SHOC1: variants seen among roughly 807,000 people sequenced by gnomAD.
SHOC1 encodes protein shortage in chiasmata 1 ortholog.
In SHOC1, 136 loss-of-function variants were observed where a neutral mutation model predicts 179.2. The observed-to-expected ratio is 0.76, with a 90% CI of 0.66 to 0.87. SHOC1 has a LOEUF of 0.87. SHOC1 is among the 40% of genes least tolerant of loss of function. The pLI, the probability that SHOC1 is intolerant of heterozygous loss-of-function variation, is 0.00. For missense variants in SHOC1, 1,538 were observed against 1,700.8 expected (o/e 0.90, Z 1.68); for synonymous variants, 489 against 586.6 (o/e 0.83, Z 2.41).
intron 11 of SHOC1, among the ~76,000 whole-genome samples, chr9:111,738,928 T>C (rs1282028324): frequency 2.0e-5 from 3 of 152,112 alleles, no homozygotes; most frequent in African/African-American, 7.2e-5. Flanking sequence ...TTTGTTCAGA[T>C]TTTATGATGA....
chr9:111,721,466 A>G (rs1025223899), intron 15 of SHOC1, among the ~76,000 whole-genome samples: 1 of 152,096 alleles, frequency 6.6e-6, no homozygotes, highest in African/African-American at 2.4e-5. Context: ...CAGCCTCCCA[A>G]ATAGCCAGGA....
At chr9:111,778,440 A>T (rs1301547730) in intron 4 of SHOC1, among the ~76,000 whole-genome samples, 1 of 152,118 alleles carries the variant, frequency 6.6e-6, no homozygotes, top group Non-Finnish European at 1.5e-5. Context: ...AGATAGACAA[A>T]TAAGTATATA....
intron 17 of SHOC1, among the ~76,000 whole-genome samples, 176 bp from the exon 18 acceptor site, chr9:111,713,348 G>A (rs1042952419): frequency 1.3e-5 from 2 of 152,082 alleles, no homozygotes; most frequent in East Asian, 1.9e-4. Context: ...AATATATTCT[G>A]GTAAGATCAA....
chr9:111,703,037 G>C (rs969593277), intron 22 of SHOC1, among the ~76,000 whole-genome samples: 3 of 152,258 alleles, frequency 2.0e-5, no homozygotes, highest in Middle Eastern at 3.4e-3. Flanking sequence ...TCGAGCCCAG[G>C]AGTTCGAGGC....
In SHOC1 at chr9:111,702,157, G is replaced by A; in HGVS notation, c.3037C>T (p.Gln1013Ter). The change falls in exon 23 of 28, where the codon CAG becomes TAG. Residue 1013 changes from glutamine to a stop codon, truncating the protein, a stop_gained. Transcript: ENST00000682961. LOFTEE classifies it high-confidence loss of function. The stretch of plus-strand genomic sequence containing the variant: ...AAAATTATCCAACAATATCTGTACT[G>A]TAATGATAATGCCATCAGCCTCATA... ...IIMRLMALSL[Q>*]YRYCWIILYT... 4.1e-6 allele frequency: 6 copies of A among 1,480,218 alleles called. No homozygotes were observed. Among genetic ancestry groups the A allele is most frequent in the East Asian group, 2.3e-5 (1 of 43,904 alleles). 91.7% of individuals were successfully genotyped at this position (1,480,218 alleles called of 1,614,324 possible).
intron 4 of SHOC1, among the ~76,000 whole-genome samples, chr9:111,780,357 T>C (rs1206366950): frequency 6.6e-6 from 1 of 152,190 alleles, no homozygotes; most frequent in Non-Finnish European, 1.5e-5. Flanking sequence ...AATCTCTACT[T>C]TATGCCTACG....
intron 4 of SHOC1, among the ~76,000 whole-genome samples, chr9:111,777,544 G>A (rs957834966): frequency 2.0e-5 from 3 of 152,106 alleles, no homozygotes; most frequent in Non-Finnish European, 2.9e-5. Flanking sequence ...TTGCGAAGGC[G>A]GTTTCAACTT....
At chr9:111,717,550 A>C (rs1832848580) in intron 16 of SHOC1, among the ~76,000 whole-genome samples, 1 of 151,226 alleles carries the variant, frequency 6.6e-6, no homozygotes, top group Non-Finnish European at 1.5e-5. Context: ...CAGTGAGATC[A>C]CACCTCTGCA....
At chr9:111,696,801 A>AT (rs1411440702) in intron 24 of SHOC1, among the ~76,000 whole-genome samples, 3 of 152,234 alleles carry the variant, frequency 2.0e-5, no homozygotes, top group African/African-American at 7.2e-5. Context: ...GAAGAAGCTA[A>AT]ATAAGTGGTA....
intron 11 of SHOC1, among the ~76,000 whole-genome samples, chr9:111,740,348 C>G (rs1833978094): frequency 6.6e-6 from 1 of 152,160 alleles, no homozygotes; most frequent in African/African-American, 2.4e-5. Flanking sequence ...TTGGTGCTTA[C>G]TTGCTTCCCA....
intron 26 of SHOC1, among the ~76,000 whole-genome samples, chr9:111,693,368 T>C (rs1396740026): frequency 1.4e-5 from 2 of 138,240 alleles, no homozygotes; most frequent in Non-Finnish European, 3.0e-5. Context: ...GTGGATCACC[T>C]GAGGTCAGGA....
intron 6 of SHOC1, 114 bp downstream of exon 6, chr9:111,758,581 T>C (rs1834984805): frequency 1.0e-6 from 1 of 1,004,746 alleles, no homozygotes; most frequent in African/African-American, 1.7e-5. Context: ...AGAGCAAGAC[T>C]CATCTCAAAA....
At chr9:111,763,922 CAAAACAAA>C (rs1256250999) in intron 5 of SHOC1, among the ~76,000 whole-genome samples, 1 of 151,978 alleles carries the variant, frequency 6.6e-6, no homozygotes, top group African/African-American at 2.4e-5. Flanking sequence ...GAAAACAAAA[CAAAACAAA>C]AAAACAGAAA....
intron 1 of SHOC1, among the ~76,000 whole-genome samples, chr9:111,793,693 T>A (rs1448475930): frequency 8.2e-4 from 108 of 132,090 alleles, no homozygotes; most frequent in Middle Eastern, 7.6e-3. Context: ...TTTTTTTTTT[T>A]ACCTTTTTCT....
chr9:111,728,947 T>C (rs566876812), intron 12 of SHOC1, among the ~76,000 whole-genome samples: 1 of 152,332 alleles, frequency 6.6e-6, no homozygotes, highest in South Asian at 2.1e-4. Context: ...CCAGTACAAA[T>C]GTAAAAGTTA....
intron 2 of SHOC1, among the ~76,000 whole-genome samples, chr9:111,790,558 T>G (rs527265647): frequency 1.3e-5 from 2 of 152,346 alleles, no homozygotes; most frequent in South Asian, 4.1e-4. Flanking sequence ...AGTGGCTTTT[T>G]TTTTGAGACG....
At chr9:111,724,348 TC>T (rs1833202692) in intron 13 of SHOC1, among the ~76,000 whole-genome samples, 2 of 151,930 alleles carry the variant, frequency 1.3e-5, no homozygotes, top group South Asian at 4.2e-4. Flanking sequence ...CTTTTTCTTT[TC>T]TTTTTTTTAA....
chr9:111,722,712 ATG>A, intron 14 of SHOC1, 127 bp from the exon 15 acceptor site: 1 of 651,984 alleles, frequency 1.5e-6, no homozygotes, highest in East Asian at 3.2e-5. Context: ...GTTAAAAATA[ATG>A]AGATTGTATA....
intron 26 of SHOC1, among the ~76,000 whole-genome samples, chr9:111,693,421 CAAAAAAAAAAA>C (rs59200447): frequency 1.2e-5 from 1 of 85,826 alleles, no homozygotes; most frequent in Non-Finnish European, 2.3e-5. Flanking sequence ...CCCGTTTCTA[CAAAAAAAAAAA>C]AAAAAAAAAA....
Sources: gnomAD v4.1 joint callset for allele counts (sites outside exome capture counted in the v4.1 genomes callset) on GRCh38, gnomAD v4.1.1 for gene constraint, MANE v1.5 for transcripts, NCBI Gene and HGNC (gene_info 2026-07-23, HGNC 2026-07-21) for gene names.